RTKN2: variants seen among roughly 807,000 people sequenced by gnomAD.
The protein encoded by RTKN2 is rhotekin 2, also known as rhotekin-2.
RTKN2 carries 69 observed loss-of-function variants against 71.5 expected under a neutral mutation model. The observed-to-expected ratio is 0.96, with a 90% confidence interval of 0.79 to 1.18. The LOEUF is 1.18. Ranked by LOEUF, RTKN2 falls within the 50% of genes most tolerant of loss-of-function variation. The probability of loss-of-function intolerance (pLI) is 0.00; values close to 1 mark genes in which losing one functional copy is unlikely to be tolerated. For missense variants in RTKN2, 724 were observed against 719.7 expected, an observed-to-expected ratio of 1.01 and a Z score of -0.07; for synonymous variants, 236 against 236.5, an observed-to-expected ratio of 1.00 and a Z score of 0.02.
chr10:62,221,136 TA>T (rs34217296), intron 7 of RTKN2, among the ~76,000 whole-genome samples: 2,983 of 147,816 alleles, frequency 0.02, 93 homozygotes, highest in African/African-American at 0.069. Context: ...AAATAAGTAC[TA>T]AAAAAAAAAA....
chr10:62,265,776 A>C (rs147011034), intron 1 of RTKN2, among the ~76,000 whole-genome samples: 262 of 152,280 alleles, frequency 1.7e-3, no homozygotes, highest in African/African-American at 5.8e-3. Flanking sequence ...ATCAGGGGTA[A>C]GGGTTCATGT....
At chr10:62,226,122 T>C (rs916304692) in intron 6 of RTKN2, among the ~76,000 whole-genome samples, 3 of 152,192 alleles carry the variant, frequency 2.0e-5, no homozygotes, top group Non-Finnish European at 4.4e-5. Flanking sequence ...ATTTTTTTCA[T>C]GATTTTCTTG....
chr10:62,236,099 T>A lies in RTKN2; in HGVS notation c.653A>T (p.Asp218Val). Residue 218 changes from aspartate (D) to valine (V), a missense_variant, in exon 6 of 12, where the codon GAT becomes GTT. Asp to Val is a radical substitution (Grantham distance 152, BLOSUM62 -3). Coordinates refer to ENST00000373789, the MANE Select transcript of RTKN2 (RefSeq NM_145307.4). ...AGAGCTGAGGAGCAAGCACATTTCA[T>A]CATCCTCTTCTTGAAGCACTGAACT... ...KISSVLQEED[D>V]EMCLLLSSAV... is the part of the protein sequence containing the mutation. 1 of 1,612,906 alleles carries A rather than the reference T, an allele frequency of 6.2e-7. No individual in the cohort carries two copies. Among genetic ancestry groups the A allele is most frequent in the Non-Finnish European group, 8.5e-7 (1 of 1,179,290 alleles).
At chr10:62,237,071 G>T (rs1335827078) in intron 5 of RTKN2, among the ~76,000 whole-genome samples, 1 of 151,804 alleles carries the variant, frequency 6.6e-6, no homozygotes, top group African/African-American at 2.4e-5. Context: ...AACATGAGGT[G>T]AATGTTAATC....
Position 62,198,121 on chromosome 10 carries a change from C to T in RTKN2, c.1617G>A (p.Ser539=), listed in dbSNP as rs147717010. 14 of 1,614,130 alleles carry T rather than the reference C, an allele frequency of 8.7e-6. No individual in the cohort carries two copies. The highest frequency in any genetic ancestry group is 3.3e-5 in the Admixed American group (2 of 60,002). The change falls in exon 12 of 12, where the codon TCG becomes TCA. Residue 539 remains serine (S), a synonymous_variant. Transcript: ENST00000373789. ...GAGTTGATAGTTTGGTATCCAAAGA[C>T]GATGTCTGAGATACACTTGTTTTTC... is the stretch of plus-strand genomic sequence containing the variant. ...NWGKTSVSQT[S]SLDTKLSTLM...
intron 9 of RTKN2, among the ~76,000 whole-genome samples, chr10:62,207,599 G>A (rs1177387349): frequency 6.6e-6 from 1 of 152,064 alleles, no homozygotes; most frequent in African/African-American, 2.4e-5. Flanking sequence ...TGAATTTTAG[G>A]ACTGTTATTT....
chr10:62,218,362 TCATA>T lies in RTKN2; in HGVS notation c.782-65_782-62del, dbSNP rs2132892190. The T allele has an allele frequency of 7.3e-6, 8 of 1,091,348 alleles. 1 individual carries two copies. The South Asian group carries it at 1.1e-4, about 16-fold the overall frequency. 67.6% of individuals were successfully genotyped at this position (1,091,348 alleles called of 1,614,324 possible). A position where few individuals can be genotyped will look rare whatever the true frequency, so the allele number is the denominator to read the frequency against. On this transcript the variant is annotated intron_variant, in intron 7 of 11. Coordinates refer to ENST00000373789, the MANE Select transcript of RTKN2 (RefSeq NM_145307.4). ...ATAAATATAAGTTTATTTAAGGTCA[TCATA>T]CATTTTGATTTTTCTCTTTTTACAA...
At chr10:62,231,592 C>T (rs187054745) in intron 6 of RTKN2, among the ~76,000 whole-genome samples, 217 of 152,184 alleles carry the variant, frequency 1.4e-3, no homozygotes, top group African/African-American at 5.0e-3. Flanking sequence ...TTTAGCCAAC[C>T]CTAATTTTGA....
At chr10:62,253,914 A>C (rs1842626315) in intron 2 of RTKN2, among the ~76,000 whole-genome samples, 1 of 152,160 alleles carries the variant, frequency 6.6e-6, no homozygotes, top group Non-Finnish European at 1.5e-5. Flanking sequence ...TTCTATTTAT[A>C]CTAAGTTCCA....
At chr10:62,264,545 A>C (rs774181270) in intron 1 of RTKN2, among the ~76,000 whole-genome samples, 2 of 152,250 alleles carry the variant, frequency 1.3e-5, no homozygotes, top group Non-Finnish European at 2.9e-5. Context: ...TGTCTATAGA[A>C]ATAAACTCTG....
chr10:62,246,629 G>A (rs993460630), intron 2 of RTKN2, among the ~76,000 whole-genome samples: 1 of 151,958 alleles, frequency 6.6e-6, no homozygotes, highest in Admixed American at 6.6e-5. Context: ...ACTAAGATGA[G>A]AAACAGAGTA....
chr10:62,194,793 C>T lies in RTKN2; in HGVS notation c.*3115G>A. The T allele has an allele frequency of 1.0e-6, 1 of 985,254 alleles. No individual in the cohort carries two copies. The highest frequency in any genetic ancestry group is 1.2e-6 in the Non-Finnish European group (1 of 829,806). 61.0% of individuals were successfully genotyped at this position (985,254 alleles called of 1,614,324 possible). A position where few individuals can be genotyped will look rare whatever the true frequency, so the allele number is the denominator to read the frequency against. On this transcript the variant is annotated 3_prime_UTR_variant, in exon 12 of 12. Transcript: ENST00000373789. ...GTGAGGTATCTCTAATTCAAGACAG[C>T]TTCCATTTTTAATAAATAGTAGCAG... is the stretch of plus-strand genomic sequence containing the variant.
chr10:62,221,739 A>G (rs1415084968), intron 7 of RTKN2, among the ~76,000 whole-genome samples: 1 of 152,190 alleles, frequency 6.6e-6, no homozygotes, highest in Non-Finnish European at 1.5e-5. Context: ...ACTCCTAACA[A>G]ATAATTAGCA....
At chr10:62,216,547 A>G (rs1841773741) in intron 9 of RTKN2, among the ~76,000 whole-genome samples, 1 of 152,052 alleles carries the variant, frequency 6.6e-6, no homozygotes, top group Non-Finnish European at 1.5e-5. Context: ...AATTGTAGCT[A>G]GATTTCAATA....
Position 62,193,645 on chromosome 10 carries a change from A to T in RTKN2, c.*4263T>A. ...CCCCACTCTGAGGCGCTCTGCAGGA[A>T]TAAAGTACTGAGGGAGGTACATTAA... On this transcript the variant is annotated 3_prime_UTR_variant, in exon 12 of 12. Transcript: ENST00000373789. The T allele has an allele frequency of 1.0e-6, 1 of 985,360 alleles. No homozygotes were observed. Among genetic ancestry groups the T allele is most frequent in the Non-Finnish European group, 1.2e-6 (1 of 829,870 alleles). 61.0% of individuals were successfully genotyped at this position (985,360 alleles called of 1,614,324 possible).
Position 62,196,603 on chromosome 10 carries a change from T to C in RTKN2, c.*1305A>G. On this transcript the variant is annotated 3_prime_UTR_variant, in exon 12 of 12. Transcript: ENST00000373789. Reference sequence around the variant, plus strand: ...GTAGTTCTGATCCAAATAGAGTTCTTGCTAGCTTTAAAAAGATCTCAAGAG... The same window carrying C: ...GTAGTTCTGATCCAAATAGAGTTCTCGCTAGCTTTAAAAAGATCTCAAGAG... The C allele has an allele frequency of 1.0e-6, 1 of 985,200 alleles. No homozygotes were observed. Among genetic ancestry groups the C allele is most frequent in the Non-Finnish European group, 1.2e-6 (1 of 829,690 alleles). 61.0% of individuals were successfully genotyped at this position (985,200 alleles called of 1,614,324 possible). A position where few individuals can be genotyped will look rare whatever the true frequency, so the allele number is the denominator to read the frequency against.
At chr10:62,191,980 A>G (rs1841229643), downstream of RTKN2, among the ~76,000 whole-genome samples, 1 of 152,150 alleles carries the variant, frequency 6.6e-6, no homozygotes, top group African/African-American at 2.4e-5. Flanking sequence ...GCAGGAACTT[A>G]AGTATTAGGT....
intron 10 of RTKN2, among the ~76,000 whole-genome samples, chr10:62,201,387 A>G (rs1272397629): frequency 6.6e-6 from 1 of 152,198 alleles, no homozygotes; most frequent in Non-Finnish European, 1.5e-5. Context: ...AGCACAGAAT[A>G]TGATAAAAAT....
rs76336438 is a variant in RTKN2 at position 62,201,070 on chromosome 10, A to C, written c.1187-1209T>G. Among the ~76,000 whole-genome samples the C allele has an allele frequency of 1.4e-3, 207 of 152,260 alleles. 5 individuals are homozygous for C. The East Asian group carries it at 0.031, about 23-fold the overall frequency. On this transcript the variant is annotated intron_variant, in intron 10 of 11. Coordinates refer to ENST00000373789, the MANE Select transcript of RTKN2 (RefSeq NM_145307.4). Reference sequence around the variant, plus strand: ...CTGGATAGCAACTATGCTAGTTCCTACGTATCTGTATATTAATTTTATAAG... The same window carrying C: ...CTGGATAGCAACTATGCTAGTTCCTCCGTATCTGTATATTAATTTTATAAG...
Sources: allele counts gnomAD v4.1 joint callset (sites outside exome capture counted in the v4.1 genomes callset), GRCh38; gene constraint gnomAD v4.1.1; transcripts MANE v1.5; gene names NCBI Gene and HGNC (gene_info 2026-07-23, HGNC 2026-07-21).